The following OR7E24 variants were observed in gnomAD, a reference collection of about 807,000 sequenced individuals.
The protein encoded by OR7E24 is olfactory receptor 7E24.
For synonymous variants in OR7E24, 130 were observed against 157.5 expected, an observed-to-expected ratio of 0.83 and a Z score of 1.31; for missense variants, 385 against 410.3, an observed-to-expected ratio of 0.94 and a Z score of 0.53.
the OR7E24 span, among the ~76,000 whole-genome samples, chr19:9,218,885 C>T: frequency 9.6e-3 from 1,465 of 152,136 alleles, 8 homozygotes; most frequent in African/African-American, 0.021. Flanking sequence ...CTGCCCGCCT[C>T]GGCCTCCCAA....
chr19:9,221,220 C>T, the OR7E24 span, among the ~76,000 whole-genome samples: 3 of 149,346 alleles, frequency 2.0e-5, no homozygotes, highest in East Asian at 2.0e-4. Flanking sequence ...TGCAGTGAGC[C>T]GAGATCGCGC....
In OR7E24 at chr19:9,252,111, G is replaced by C. The variant is rs779298221; in HGVS notation, c.*48G>C. ...CTAGGCCTGCAAATTCTGCCTCCTT[G>C]GTCACATTATTTTGGTTGCTTGATG... On this transcript the variant is annotated 3_prime_UTR_variant, in exon 1 of 1. Transcript: ENST00000456448. 1 of 1,526,878 alleles carries C rather than the reference G, an allele frequency of 6.5e-7. No homozygotes were observed. The highest frequency in any genetic ancestry group is 8.9e-7 in the Non-Finnish European group (1 of 1,122,130). The allele number at this position is 1,526,878 out of a possible 1,614,324, so 94.6% of individuals were successfully genotyped here. A position where few individuals can be genotyped will look rare whatever the true frequency, so the allele number is the denominator to read the frequency against.
chr19:9,224,986 C>G, the OR7E24 span, among the ~76,000 whole-genome samples: 4 of 152,094 alleles, frequency 2.6e-5, no homozygotes, highest in African/African-American at 9.7e-5. Flanking sequence ...CAGACATGAC[C>G]TGAAAAAGAA....
chr19:9,238,520 T>C, the OR7E24 span, among the ~76,000 whole-genome samples: 5 of 152,234 alleles, frequency 3.3e-5, no homozygotes, highest in Admixed American at 3.3e-4. Context: ...ATCAGATATA[T>C]GCTTGCCAAA....
At chr19:9,244,158 T>C (rs773455059), upstream of OR7E24, among the ~76,000 whole-genome samples, 1 of 152,240 alleles carries the variant, frequency 6.6e-6, no homozygotes, top group Non-Finnish European at 1.5e-5. Flanking sequence ...TGAAAAACCT[T>C]GGGAATCCAC....
chr19:9,230,232 A>G, the OR7E24 span, among the ~76,000 whole-genome samples: 1 of 151,904 alleles, frequency 6.6e-6, no homozygotes, highest in Non-Finnish European at 1.5e-5. Flanking sequence ...TTTAGTAGAG[A>G]CGGGGTTTCT....
upstream of OR7E24, among the ~76,000 whole-genome samples, chr19:9,246,814 A>C (rs2066131945): frequency 6.6e-6 from 1 of 152,200 alleles, no homozygotes; most frequent in Non-Finnish European, 1.5e-5. Context: ...AGATTTGTAG[A>C]AACAGTAATC....
chr19:9,241,694 G>T, the OR7E24 span, among the ~76,000 whole-genome samples: 1 of 152,184 alleles, frequency 6.6e-6, no homozygotes, highest in Non-Finnish European at 1.5e-5. Context: ...AATCTGGGAG[G>T]TAGAGGTTGC....
the OR7E24 span, among the ~76,000 whole-genome samples, chr19:9,221,186 G>C: frequency 6.6e-6 from 1 of 150,460 alleles, no homozygotes; most frequent in Non-Finnish European, 1.5e-5. Context: ...GCAGGAGAAT[G>C]ACTTCAACCC....
At chr19:9,210,684 T>TCACACACACACA in the OR7E24 span, 1 of 112,886 alleles carries the variant, frequency 8.9e-6, no homozygotes, top group Non-Finnish European at 1.7e-5. Context: ...TACTAGGTGA[T>TCACACACACACA]CTCACACACA....
chr19:9,251,259 C>CCTCCACA lies in OR7E24; in HGVS notation c.206_212dup (p.Met73HisfsTer14). On this transcript the variant is annotated frameshift_variant, in exon 2 of 2. Transcript: ENST00000641946. LOFTEE classifies it low-confidence loss of function (END_TRUNC). ...TCCTGGCTGTCAGCTCTGACTCCCA[C>CCTCCACA]CTCCACACCCCCATGTACTTCTTCC... 3 of 1,613,972 alleles carry CCTCCACA rather than the reference C, an allele frequency of 1.9e-6. No individual in the cohort carries two copies. Among genetic ancestry groups the CCTCCACA allele is most frequent in the Non-Finnish European group, 2.5e-6 (3 of 1,179,956 alleles).
At chr19:9,231,990 A>G in the OR7E24 span, among the ~76,000 whole-genome samples, 2 of 152,172 alleles carry the variant, frequency 1.3e-5, no homozygotes, top group African/African-American at 4.8e-5. Flanking sequence ...GCTAAAAAGA[A>G]ATTACTTAGG....
upstream of OR7E24, among the ~76,000 whole-genome samples, chr19:9,246,362 C>T (rs977492281): frequency 4.0e-5 from 6 of 151,892 alleles, no homozygotes; most frequent in African/African-American, 1.2e-4. Flanking sequence ...GCCACCGCGC[C>T]GGGCCTCAAT....
At chr19:9,214,496 T>C in the OR7E24 span, 2 of 1,613,992 alleles carry the variant, frequency 1.2e-6, no homozygotes, top group South Asian at 1.1e-5. Context: ...TCACGGCCAG[T>C]AGGAAAGTAT....
rs1249231841 is a variant in OR7E24 at position 9,251,201 on chromosome 19, A to T, written c.158A>T (p.Tyr53Phe). The change falls in exon 1 of 1, where the codon TAC becomes TTC. Residue 53 changes from tyrosine to phenylalanine, a missense_variant. Transcript: ENST00000456448. ...PVLAGLFLSM[Y>F]LVTVLGNLLI... ...CTCGCTGGGCTGTTCCTGTCCATGT[A>T]CCTGGTCACGGTGCTGGGGAACCTG... The T allele has an allele frequency of 6.2e-7, 1 of 1,613,736 alleles. No individual in the cohort carries two copies.
the OR7E24 span, among the ~76,000 whole-genome samples, chr19:9,221,852 T>C: frequency 0.038 from 5,857 of 152,284 alleles, 356 homozygotes; most frequent in African/African-American, 0.13. Context: ...CTATTGCTTT[T>C]GTTGTCTGTG....
chr19:9,242,013 T>C, the OR7E24 span, among the ~76,000 whole-genome samples: 1 of 152,202 alleles, frequency 6.6e-6, no homozygotes, highest in Non-Finnish European at 1.5e-5. Flanking sequence ...AGTTCTCACG[T>C]GTTGTTTGAA....
At chr19:9,218,870 G>A in the OR7E24 span, among the ~76,000 whole-genome samples, 1 of 152,122 alleles carries the variant, frequency 6.6e-6, no homozygotes, top group Non-Finnish European at 1.5e-5. Flanking sequence ...CTGGCCTCAA[G>A]TGATCTGCCC....
chr19:9,210,438 C>A, the OR7E24 span: 2 of 152,252 alleles, frequency 1.3e-5, no homozygotes, highest in African/African-American at 4.8e-5. Context: ...AAGACTCCAT[C>A]TCTACAAAAA....
Sources: allele counts gnomAD v4.1 joint callset (sites outside exome capture counted in the v4.1 genomes callset), GRCh38; gene constraint gnomAD v4.1.1; transcripts MANE v1.5; gene names NCBI Gene and HGNC (gene_info 2026-07-23, HGNC 2026-07-21).